Variants in EPB41L4A observed in about 807,000 individuals in gnomAD.
The protein encoded by EPB41L4A is erythrocyte membrane protein band 4.1 like 4A.
EPB41L4A carries 100 observed loss-of-function variants against 108.6 expected under a neutral mutation model. That is an observed-to-expected ratio of 0.92 (90% CI 0.78 to 1.09). EPB41L4A has a LOEUF of 1.09. Ranked by LOEUF, EPB41L4A falls within the 50% of genes least tolerant of loss-of-function variation. The pLI is 0.00. For synonymous variants in EPB41L4A, 319 were observed against 289.0 expected (o/e 1.10, Z -1.05); for missense variants, 1,030 against 842.7 (o/e 1.22, Z -2.75).
intron 2 of EPB41L4A, 25 bp from the exon 3 acceptor site, chr5:112,280,348 TAAAGA>T: frequency 1.9e-6 from 3 of 1,606,200 alleles, no homozygotes; most frequent in Non-Finnish European, 2.6e-6. Context: ...AAAGGACAAT[TAAAGA>T]AATTAGTTGC....
chr5:112,159,013 A>G (rs1328461467), downstream of EPB41L4A, among the ~76,000 whole-genome samples: 1 of 152,180 alleles, frequency 6.6e-6, no homozygotes, highest in Non-Finnish European at 1.5e-5. Flanking sequence ...TTTGCCCCAG[A>G]TGTTACAGTG....
intron 13 of EPB41L4A, among the ~76,000 whole-genome samples, chr5:112,144,219 C>A (rs1465858827): frequency 6.6e-6 from 1 of 152,178 alleles, no homozygotes; most frequent in African/African-American, 2.4e-5. Context: ...ACTTCCCATT[C>A]TTTTACCAAC....
chr5:112,362,892 T>C (rs1758865135), intron 1 of EPB41L4A, among the ~76,000 whole-genome samples: 1 of 149,602 alleles, frequency 6.7e-6, no homozygotes, highest in Admixed American at 6.8e-5. Context: ...GGTAGCTTTA[T>C]ATGTATTTTT....
chr5:112,251,176 G>A (rs1376391903), intron 9 of EPB41L4A, among the ~76,000 whole-genome samples: 3 of 152,156 alleles, frequency 2.0e-5, no homozygotes, highest in Non-Finnish European at 4.4e-5. Context: ...ATACATTGTA[G>A]TTGGAGACAC....
intron 12 of EPB41L4A, among the ~76,000 whole-genome samples, chr5:112,214,537 G>A (rs1747472509): frequency 6.6e-6 from 1 of 152,128 alleles, no homozygotes; most frequent in Admixed American, 6.5e-5. Context: ...GCCGAGGCGG[G>A]CGGATCATGA....
chr5:112,394,643 A>G (rs988070723), intron 1 of EPB41L4A, among the ~76,000 whole-genome samples: 1 of 152,182 alleles, frequency 6.6e-6, no homozygotes, highest in African/African-American at 2.4e-5. Flanking sequence ...AAGAATCAAT[A>G]TTGTGAAAAT....
chr5:112,234,231 TA>T (rs1413775106), intron 12 of EPB41L4A, among the ~76,000 whole-genome samples: 1 of 148,048 alleles, frequency 6.8e-6, no homozygotes, highest in East Asian at 2.0e-4. Context: ...TAAAATAAAA[TA>T]AAAATAAAAT....
intron 1 of EPB41L4A, among the ~76,000 whole-genome samples, chr5:112,403,134 G>A (rs1286324235): frequency 6.6e-6 from 1 of 151,948 alleles, no homozygotes. Context: ...GTGCCATAAG[G>A]GGATTGATCC....
intron 1 of EPB41L4A, among the ~76,000 whole-genome samples, chr5:112,399,861 T>C (rs1056283899): frequency 6.6e-6 from 1 of 152,174 alleles, no homozygotes; most frequent in Non-Finnish European, 1.5e-5. Context: ...TTCACCCCCT[T>C]TGACTAATCC....
intron 12 of EPB41L4A, among the ~76,000 whole-genome samples, chr5:112,151,655 G>GC (rs1759473669): frequency 1.3e-5 from 2 of 151,736 alleles, no homozygotes; most frequent in South Asian, 2.1e-4. Flanking sequence ...CGATCCACCT[G>GC]CCTTGGCCTC....
chr5:112,153,680 T>G (rs894368881), intron 12 of EPB41L4A, among the ~76,000 whole-genome samples: 6 of 150,796 alleles, frequency 4.0e-5, no homozygotes, highest in African/African-American at 1.5e-4. Context: ...AGCTGATAGA[T>G]CAAGCAGATT....
At chr5:112,380,842 G>C (rs966310620) in intron 1 of EPB41L4A, among the ~76,000 whole-genome samples, 1 of 150,726 alleles carries the variant, frequency 6.6e-6, no homozygotes, top group African/African-American at 2.5e-5. Flanking sequence ...TCAGCCAAGG[G>C]GAAAGGAGAG....
chr5:112,219,230 G>T (rs1235581092), intron 12 of EPB41L4A, among the ~76,000 whole-genome samples: 1 of 152,180 alleles, frequency 6.6e-6, no homozygotes, highest in African/African-American at 2.4e-5. Context: ...GAGCCAGTGG[G>T]AGGTAACTTA....
intron 1 of EPB41L4A, among the ~76,000 whole-genome samples, chr5:112,325,414 C>A (rs1756085621): frequency 6.6e-6 from 1 of 150,434 alleles, no homozygotes; most frequent in Non-Finnish European, 1.5e-5. Flanking sequence ...ACACTCCAGC[C>A]TGGGTGACAC....
chr5:112,145,503 A>C (rs1264645190), intron 13 of EPB41L4A, among the ~76,000 whole-genome samples: 1 of 152,202 alleles, frequency 6.6e-6, no homozygotes. Flanking sequence ...ATTGTACACA[A>C]CTGATTTATA....
In EPB41L4A at chr5:112,204,265, T is replaced by C. The variant is rs1196393201; in HGVS notation, c.1376+110A>G. On this transcript the variant is annotated intron_variant, in intron 15 of 22. Coordinates refer to ENST00000261486, the MANE Select transcript of EPB41L4A (RefSeq NM_022140.5). Reference sequence around the variant, plus strand: ...GTCAAAAAGAGTAAGCTGCTTGTTATCTTGGAGAGAAACAGTAATGTCGGT... The same window carrying C: ...GTCAAAAAGAGTAAGCTGCTTGTTACCTTGGAGAGAAACAGTAATGTCGGT... The C allele has an allele frequency of 1.2e-5, 8 of 670,686 alleles. No homozygotes were observed. In the East Asian group the frequency reaches 1.3e-4, roughly 11 times the overall value. The allele number at this position is 670,686 out of a possible 1,614,324, so 41.5% of individuals were successfully genotyped here.
chr5:112,345,778 TATACAC>T (rs201738734), intron 1 of EPB41L4A, among the ~76,000 whole-genome samples: 11,617 of 130,368 alleles, frequency 0.089, 476 homozygotes, highest in South Asian at 0.12. Flanking sequence ...CATATATATA[TATACAC>T]ACACACACAC....
intron 12 of EPB41L4A, among the ~76,000 whole-genome samples, chr5:112,214,237 G>T (rs766053679): frequency 2.6e-5 from 4 of 152,124 alleles, no homozygotes; most frequent in Non-Finnish European, 4.4e-5. Context: ...CCACAGAACA[G>T]TTCCATTTTG....
chr5:112,337,092 C>G (rs555316247), intron 1 of EPB41L4A, among the ~76,000 whole-genome samples: 1 of 152,096 alleles, frequency 6.6e-6, no homozygotes, highest in Non-Finnish European at 1.5e-5. Context: ...GAGCCTGTCA[C>G]GTGAAGGTTT....
Sources: allele counts gnomAD v4.1 joint callset (sites outside exome capture counted in the v4.1 genomes callset), GRCh38; gene constraint gnomAD v4.1.1; transcripts MANE v1.5; gene names NCBI Gene and HGNC (gene_info 2026-07-23, HGNC 2026-07-21).